The following DNAH8 variants were observed in gnomAD, a reference collection of about 807,000 sequenced individuals.
DNAH8 encodes dynein axonemal heavy chain 8, also known as axonemal beta dynein heavy chain 8.
In DNAH8, 382 loss-of-function variants were observed where a neutral mutation model predicts 562.1. The observed-to-expected ratio is 0.68, with a 90% CI of 0.63 to 0.74. The LOEUF is 0.74. Among genes scored for constraint, DNAH8 ranks in the 30% least tolerant of loss-of-function variants. The probability of loss-of-function intolerance (pLI) is 0.00; values close to 1 mark genes in which losing one functional copy is unlikely to be tolerated. For missense variants in DNAH8, 5,203 were observed against 5,620.4 expected, an observed-to-expected ratio of 0.93 and a Z score of 2.37; for synonymous variants, 1,881 against 1,919.4, an observed-to-expected ratio of 0.98 and a Z score of 0.52.
chr6:39,000,599 G>T (rs1765423980), intron 88 of DNAH8, among the ~76,000 whole-genome samples: 1 of 152,194 alleles, frequency 6.6e-6, no homozygotes, highest in South Asian at 2.1e-4. Context: ...AATGCCTGAT[G>T]ATCTGTCACT....
At chr6:38,797,560 T>C (rs185812843) in intron 21 of DNAH8, among the ~76,000 whole-genome samples, 2 of 152,288 alleles carry the variant, frequency 1.3e-5, no homozygotes, top group East Asian at 3.9e-4. Flanking sequence ...CCCGTTTGTT[T>C]GTGACCAGCA....
Position 38,917,911 on chromosome 6 carries a change from A to G in DNAH8, c.10309-14A>G, listed in dbSNP as rs1403540902. On this transcript the variant is annotated splice_polypyrimidine_tract_variant and intron_variant, in intron 69 of 92. Coordinates refer to ENST00000327475, the MANE Select transcript of DNAH8 (RefSeq NM_001206927.2). ...TTTCTTCCAGAACTTACAGGTTATA[A>G]TACTATTTTTCAGTTGATGAGTGCA... The G allele has an allele frequency of 6.3e-7, 1 of 1,592,308 alleles. No homozygotes were observed. Among genetic ancestry groups the G allele is most frequent in the African/African-American group, 1.3e-5 (1 of 74,138 alleles).
intron 11 of DNAH8, among the ~76,000 whole-genome samples, chr6:38,769,006 G>T (rs947859112): frequency 7.9e-5 from 12 of 152,166 alleles, no homozygotes; most frequent in African/African-American, 2.7e-4. Context: ...ATTCTTTTAA[G>T]GTCCTAAAGA....
intron 82 of DNAH8, among the ~76,000 whole-genome samples, chr6:38,953,907 C>T (rs887228333): frequency 2.6e-5 from 4 of 151,374 alleles, no homozygotes; most frequent in Non-Finnish European, 4.4e-5. Flanking sequence ...AGACCTAGTC[C>T]GTGGCAGATC....
At chr6:38,934,878 A>G (rs1782827871) in intron 76 of DNAH8, among the ~76,000 whole-genome samples, 1 of 152,250 alleles carries the variant, frequency 6.6e-6, no homozygotes, top group Non-Finnish European at 1.5e-5. Context: ...TTCTATAGAG[A>G]TATAGTGATA....
At chr6:38,864,161 G>T in intron 45 of DNAH8, 101 bp downstream of exon 45, 1 of 1,009,928 alleles carries the variant, frequency 9.9e-7, no homozygotes. Context: ...CTATCCAGGA[G>T]TTATAAGCTG....
intron 26 of DNAH8, among the ~76,000 whole-genome samples, chr6:38,816,076 T>C (rs2150322113): frequency 6.6e-6 from 1 of 152,106 alleles, no homozygotes; most frequent in South Asian, 2.1e-4. Flanking sequence ...TATTTTATTT[T>C]ATTTTATTTT....
At chr6:38,938,726 A>AC (rs1783184510) in intron 78 of DNAH8, 72 bp from the exon 79 acceptor site, 1 of 1,030,682 alleles carries the variant, frequency 9.7e-7, no homozygotes, top group African/African-American at 1.6e-5. Flanking sequence ...CTTCATGTGT[A>AC]CCCCTGAACT....
chr6:39,015,341 G>C (rs990123871), intron 91 of DNAH8, among the ~76,000 whole-genome samples: 4 of 152,070 alleles, frequency 2.6e-5, no homozygotes, highest in African/African-American at 7.2e-5. Context: ...GTTAAGAAAT[G>C]TTACAAAGCC....
At chr6:38,861,000 C>A (rs6458075) in intron 43 of DNAH8, among the ~76,000 whole-genome samples, 64,166 of 151,892 alleles carry the variant, frequency 0.42, 14,188 homozygotes, top group East Asian at 0.69. Context: ...TGGCACCTAA[C>A]GTACATTTTC....
chr6:38,939,769 TTG>T (rs1286415925), intron 79 of DNAH8, among the ~76,000 whole-genome samples: 8 of 152,336 alleles, frequency 5.3e-5, no homozygotes, highest in Admixed American at 4.6e-4. Flanking sequence ...AATCTTTTTC[TTG>T]TGTTTTTGGC....
At chr6:38,747,879 G>C (rs1364076799) in intron 8 of DNAH8, among the ~76,000 whole-genome samples, 10 of 152,112 alleles carry the variant, frequency 6.6e-5, no homozygotes, top group African/African-American at 4.8e-5. Context: ...TATGTAAATG[G>C]AGTCATATCA....
At chr6:38,995,068 T>C (rs1377816412) in intron 88 of DNAH8, among the ~76,000 whole-genome samples, 1 of 151,964 alleles carries the variant, frequency 6.6e-6, no homozygotes, top group East Asian at 1.9e-4. Context: ...TCTTTTTTTT[T>C]TTTTCTGAGC....
chr6:38,963,254 T>C (rs1762734232), intron 82 of DNAH8, among the ~76,000 whole-genome samples: 8 of 4,052 alleles, frequency 2.0e-3, no homozygotes, highest in African/African-American at 9.6e-3. Context: ...GTCCTTTTTC[T>C]TTTTTTTTTT....
At position 38,955,396 on chromosome 6, in the gene DNAH8, C is replaced by T. The variant is rs200912953; in HGVS notation, c.12451+3876C>T. 3.9e-5 allele frequency among the ~76,000 whole-genome samples: 6 copies of T among 152,080 alleles called. No homozygotes were observed. In the East Asian group the frequency reaches 5.8e-4, roughly 15 times the overall value. ...CTGTAATCCCAGCACTTTGGGAGGC[C>T]GAGGTGGGTGGATCATCTGAGGTCA... On this transcript the variant is annotated intron_variant, in intron 82 of 92. Coordinates refer to ENST00000327475, the MANE Select transcript of DNAH8 (RefSeq NM_001206927.2).
chr6:38,828,551 T>A lies in DNAH8; in HGVS notation c.4188+263T>A, dbSNP rs376977692. On this transcript the variant is annotated intron_variant, in intron 30 of 92. Transcript: ENST00000327475. Reference sequence around the variant, plus strand: ...TCAGTATAGTAACATGCTGTAGAGGTTTGTAGCCTAGCAGCAATAGGCCAT... The same window carrying A: ...TCAGTATAGTAACATGCTGTAGAGGATTGTAGCCTAGCAGCAATAGGCCAT... 3.9e-4 allele frequency among the ~76,000 whole-genome samples: 60 copies of A among 152,248 alleles called. No homozygotes were observed. The South Asian group carries it at 0.011, about 29-fold the overall frequency.
In DNAH8 at chr6:38,805,616, T is replaced by C; in HGVS notation, c.3150+20T>C. Reference sequence around the variant, plus strand: ...AAAAAGGTATTTATTGTGGAACAACTTCATGCAATTCACAGAATTATGGTT... The same window carrying C: ...AAAAAGGTATTTATTGTGGAACAACCTCATGCAATTCACAGAATTATGGTT... On this transcript the variant is annotated intron_variant, in intron 23 of 92. Coordinates refer to ENST00000327475, the MANE Select transcript of DNAH8 (RefSeq NM_001206927.2). 7.6e-7 allele frequency: 1 copy of C among 1,316,848 alleles called. No individual in the cohort carries two copies. Among genetic ancestry groups the C allele is most frequent in the South Asian group, 1.2e-5 (1 of 83,590 alleles). 81.6% of individuals were successfully genotyped at this position (1,316,848 alleles called of 1,614,324 possible).
At chr6:38,984,838 G>A (rs796235531) in intron 87 of DNAH8, among the ~76,000 whole-genome samples, 10 of 152,200 alleles carry the variant, frequency 6.6e-5, no homozygotes, top group African/African-American at 1.9e-4. Flanking sequence ...TACTTGTGGT[G>A]CAGAGCAGAG....
At chr6:38,961,771 A>G (rs1762619362) in intron 82 of DNAH8, among the ~76,000 whole-genome samples, 1 of 152,082 alleles carries the variant, frequency 6.6e-6, no homozygotes, top group East Asian at 1.9e-4. Context: ...TATCCATTAA[A>G]GTCAGATACA....
Sources: allele counts gnomAD v4.1 joint callset (sites outside exome capture counted in the v4.1 genomes callset), GRCh38; gene constraint gnomAD v4.1.1; transcripts MANE v1.5; gene names NCBI Gene and HGNC (gene_info 2026-07-23, HGNC 2026-07-21).